OPRM1: variants seen among roughly 807,000 people sequenced by gnomAD.
OPRM1 encodes opioid receptor mu 1.
Under a neutral mutation model 31.8 loss-of-function variants are expected in OPRM1, and 27 were observed. The observed-to-expected ratio is 0.85, with a 90% CI of 0.63 to 1.17. The LOEUF (loss-of-function observed/expected upper bound fraction) is 1.17. Ranked by LOEUF, OPRM1 falls within the 50% of genes most tolerant of loss-of-function variation. The pLI is 0.00. For synonymous variants in OPRM1, 196 were observed against 189.9 expected (o/e 1.03, Z -0.26); for missense variants, 536 against 511.1 (o/e 1.05, Z -0.47).
At chr6:154,098,682 G>A (rs1793824571) in intron 3 of OPRM1, among the ~76,000 whole-genome samples, 1 of 152,074 alleles carries the variant, frequency 6.6e-6, no homozygotes, top group Admixed American at 6.5e-5. Flanking sequence ...TTAACTTTTG[G>A]ATGTCATTCT....
intron 1 of OPRM1, among the ~76,000 whole-genome samples, chr6:154,054,041 A>G (rs1335931124): frequency 6.6e-6 from 1 of 152,072 alleles, no homozygotes; most frequent in Non-Finnish European, 1.5e-5. Context: ...CGTCTAGTCC[A>G]GTGATTCTGA....
At position 154,107,684 on chromosome 6, in the gene OPRM1, G is replaced by A. The variant is rs140560182; in HGVS notation, c.1165-10999G>A. 8,109 of 718,488 alleles carry A rather than the reference G, an allele frequency of 0.011. 64 individuals are homozygous for A. The highest frequency in any genetic ancestry group is 0.024 in the Middle Eastern group (105 of 4,372). The allele number at this position is 718,488 out of a possible 1,614,324, so 44.5% of individuals were successfully genotyped here. A position where few individuals can be genotyped will look rare whatever the true frequency, so the allele number is the denominator to read the frequency against. ...GTGGAGACCAAGAGAAGGTACTGCC[G>A]TGTGGTTAAAAGGTCAAGCTCCCAA... On this transcript the variant is annotated intron_variant, in intron 3 of 3. Coordinates refer to ENST00000330432, the MANE Select transcript of OPRM1 (RefSeq NM_000914.5).
At chr6:154,042,743 T>C (rs1780332125) in intron 1 of OPRM1, among the ~76,000 whole-genome samples, 7 of 152,204 alleles carry the variant, frequency 4.6e-5, no homozygotes, top group Admixed American at 4.6e-4. Context: ...TAAGTCCAGA[T>C]GTTAAGTGAT....
chr6:154,020,463 G>A (rs971252115), intron 1 of OPRM1, among the ~76,000 whole-genome samples: 9 of 151,996 alleles, frequency 5.9e-5, no homozygotes, highest in Non-Finnish European at 7.4e-5. Flanking sequence ...AATCCTGATA[G>A]ACCAAAATCA....
chr6:154,102,551 C>G (rs1382259291), intron 3 of OPRM1, among the ~76,000 whole-genome samples: 2 of 152,006 alleles, frequency 1.3e-5, no homozygotes, highest in Non-Finnish European at 2.9e-5. Context: ...TGGACTAACC[C>G]AAGCCTTCTC....
intron 3 of OPRM1, among the ~76,000 whole-genome samples, chr6:154,223,835 G>A (rs1291154650): frequency 6.6e-6 from 1 of 152,208 alleles, no homozygotes; most frequent in East Asian, 1.9e-4. Flanking sequence ...AAATCACAGA[G>A]CTGCATCTTT....
intron 3 of OPRM1, among the ~76,000 whole-genome samples, chr6:154,148,222 C>T (rs1426718334): frequency 6.6e-6 from 1 of 152,188 alleles, no homozygotes; most frequent in African/African-American, 2.4e-5. Context: ...GACTGAGGCA[C>T]TGTATCAAGG....
chr6:154,112,331 G>C (rs935782163), intron 3 of OPRM1, among the ~76,000 whole-genome samples: 2 of 152,160 alleles, frequency 1.3e-5, no homozygotes, highest in Non-Finnish European at 2.9e-5. Flanking sequence ...TGACTCAGTG[G>C]ACCAGAGAAA....
At chr6:154,141,635 C>T (rs924390120) in intron 3 of OPRM1, among the ~76,000 whole-genome samples, 4 of 152,206 alleles carry the variant, frequency 2.6e-5, no homozygotes, top group African/African-American at 9.6e-5. Flanking sequence ...CGTGAGACAT[C>T]AATCAACATA....
At chr6:154,175,111 T>C (rs1800204228) in intron 3 of OPRM1, among the ~76,000 whole-genome samples, 1 of 152,190 alleles carries the variant, frequency 6.6e-6, no homozygotes, top group Admixed American at 6.5e-5. Context: ...ATAAAGATGT[T>C]CTTTGAAACC....
At chr6:154,018,327 C>G (rs554499084) in intron 1 of OPRM1, among the ~76,000 whole-genome samples, 1 of 151,874 alleles carries the variant, frequency 6.6e-6, no homozygotes, top group Non-Finnish European at 1.5e-5. Flanking sequence ...GGCTGAGGAA[C>G]GAGAATCACT....
intron 3 of OPRM1, among the ~76,000 whole-genome samples, chr6:154,164,950 A>G (rs1163301982): frequency 6.6e-6 from 1 of 152,166 alleles, no homozygotes; most frequent in Non-Finnish European, 1.5e-5. Context: ...ATTTCCCTGA[A>G]GTGCATTCAT....
chr6:154,238,649 A>G (rs1251081440), intron 3 of OPRM1, among the ~76,000 whole-genome samples: 1 of 151,632 alleles, frequency 6.6e-6, no homozygotes, highest in East Asian at 1.9e-4. Context: ...GCTTACTTCT[A>G]TTTTCAAATT....
intron 1 of OPRM1, among the ~76,000 whole-genome samples, chr6:154,079,083 C>A (rs1357222750): frequency 6.6e-6 from 1 of 152,062 alleles, no homozygotes; most frequent in Non-Finnish European, 1.5e-5. Flanking sequence ...CAGTGTGAGC[C>A]CTGCCTTTAC....
chr6:154,109,788 CTCTCTGTG>C (rs796700551), intron 3 of OPRM1, among the ~76,000 whole-genome samples: 4,242 of 103,524 alleles, frequency 0.041, 52 homozygotes, highest in Middle Eastern at 0.049. Context: ...CTCTCTCTCT[CTCTCTGTG>C]TGTGTGTGTG....
intron 3 of OPRM1, among the ~76,000 whole-genome samples, chr6:154,192,632 C>T (rs1023400377): frequency 7.0e-6 from 1 of 141,948 alleles, no homozygotes; most frequent in Non-Finnish European, 1.5e-5. Flanking sequence ...GACCAATATC[C>T]AGAATCTACA....
chr6:154,169,981 A>G (rs1799746625), intron 3 of OPRM1, among the ~76,000 whole-genome samples: 1 of 152,176 alleles, frequency 6.6e-6, no homozygotes, highest in Non-Finnish European at 1.5e-5. Context: ...ACCCATTCTG[A>G]GACACAGATC....
At chr6:154,027,465 A>G (rs748259775) in intron 1 of OPRM1, among the ~76,000 whole-genome samples, 12 of 152,188 alleles carry the variant, frequency 7.9e-5, no homozygotes, top group Non-Finnish European at 1.3e-4. Flanking sequence ...AAGACCTGCT[A>G]TAACAATTCC....
intron 3 of OPRM1, among the ~76,000 whole-genome samples, chr6:154,149,062 A>G (rs541857552): frequency 6.6e-6 from 1 of 152,246 alleles, no homozygotes; most frequent in African/African-American, 2.4e-5. Flanking sequence ...GGACTAGGGG[A>G]ATTGCCTGTA....
Sources: allele counts gnomAD v4.1 joint callset (sites outside exome capture counted in the v4.1 genomes callset), GRCh38; gene constraint gnomAD v4.1.1; transcripts MANE v1.5; gene names NCBI Gene and HGNC (gene_info 2026-07-23, HGNC 2026-07-21).